Variants in SLC6A3 observed in about 807,000 individuals in gnomAD.
SLC6A3 encodes the protein solute carrier family 6 member 3.
A neutral mutation model predicts 70.4 loss-of-function variants in SLC6A3; 19 were observed. The observed-to-expected ratio is 0.27, with a 90% CI of 0.19 to 0.40. SLC6A3 has a LOEUF of 0.40. Ranked by LOEUF, SLC6A3 falls within the 10% of genes least tolerant of loss-of-function variation. The pLI is 1.00. For missense variants in SLC6A3, 613 were observed against 838.5 expected (o/e 0.73, Z 3.32); for synonymous variants, 368 against 356.6 (o/e 1.03, Z -0.36).
At chr5:1,433,778 A>T (rs1756764576) in intron 3 of SLC6A3, among the ~76,000 whole-genome samples, 1 of 149,506 alleles carries the variant, frequency 6.7e-6, no homozygotes, top group Admixed American at 6.6e-5. Flanking sequence ...GCCATCCACA[A>T]CCATCCATCC....
intron 4 of SLC6A3, among the ~76,000 whole-genome samples, chr5:1,427,681 C>G (rs188623917): frequency 1.3e-4 from 20 of 152,250 alleles, no homozygotes; most frequent in Admixed American, 1.0e-3. Flanking sequence ...ACCACACAAA[C>G]AGTAATGATA....
In SLC6A3 at chr5:1,437,736, G is replaced by A. The variant is rs879280529; in HGVS notation, c.418+3623C>T. ...GGGAGCAGCTCGCAGGTCTGCAGGA[G>A]GGGAAGGGCCAGGAACAACCAGGCT... On this transcript the variant is annotated intron_variant, in intron 3 of 14. Transcript: ENST00000270349. The surrounding 1 kb of genome is among the most constrained non-coding windows in gnomAD (Gnocchi z 4.8). Among the ~76,000 whole-genome samples the A allele has an allele frequency of 2.0e-5, 3 of 152,244 alleles. No individual in the cohort carries two copies. The highest frequency in any genetic ancestry group is 2.9e-5 in the Non-Finnish European group (2 of 68,046).
At chr5:1,428,977 T>G (rs908839856) in intron 4 of SLC6A3, among the ~76,000 whole-genome samples, 3 of 152,230 alleles carry the variant, frequency 2.0e-5, no homozygotes, top group African/African-American at 7.2e-5. Flanking sequence ...CCCTTTTGTG[T>G]TTACTGACAA....
In SLC6A3 at chr5:1,402,770, G is replaced by T; in HGVS notation, c.1767+152C>A. On this transcript the variant is annotated intron_variant, in intron 13 of 14. Coordinates refer to ENST00000270349, the MANE Select transcript of SLC6A3 (RefSeq NM_001044.5). The surrounding 1 kb of genome is among the most constrained non-coding windows in gnomAD (Gnocchi z 8.5). ...CGGGCGTGCAGGTGGACACACACAC[G>T]CACACACACACACAGTGTTGTGGTG... is the stretch of plus-strand genomic sequence containing the variant. 2.7e-6 allele frequency: 2 copies of T among 734,774 alleles called. No individual in the cohort carries two copies. The highest frequency in any genetic ancestry group is 4.7e-6 in the Non-Finnish European group (2 of 426,038). 45.5% of individuals were successfully genotyped at this position (734,774 alleles called of 1,614,324 possible).
At position 1,393,252 on chromosome 5, in the gene SLC6A3, G is replaced by A. The variant is rs1255397867; in HGVS notation, c.*1483C>T. Reference sequence around the variant, plus strand: ...CACGTAGGCAGGCCCACCGACTTGAGGCATGAATTCAAACTATGGCATCCA... The same window carrying A: ...CACGTAGGCAGGCCCACCGACTTGAAGCATGAATTCAAACTATGGCATCCA... On this transcript the variant is annotated 3_prime_UTR_variant, in exon 15 of 15. Transcript: ENST00000270349. The A allele has an allele frequency of 1.3e-5, 2 of 152,268 alleles. No individual in the cohort carries two copies. The highest frequency in any genetic ancestry group is 2.9e-5 in the Non-Finnish European group (2 of 68,058). The allele number at this position is 152,268 out of a possible 1,614,324, so 9.4% of individuals were successfully genotyped here. A position where few individuals can be genotyped will look rare whatever the true frequency, so the allele number is the denominator to read the frequency against.
chr5:1,410,884 G>A (rs1384946046), intron 9 of SLC6A3, among the ~76,000 whole-genome samples: 1 of 152,012 alleles, frequency 6.6e-6, no homozygotes, highest in Non-Finnish European at 1.5e-5. Flanking sequence ...GTGTGTATGT[G>A]TGTGCATGCA....
rs920931681 is a variant in SLC6A3 at position 1,443,252 on chromosome 5, A to G, written c.-45-10T>C. ...CTTCTTCCCTCTTGGTCTTCAGCCA[A>G]TATGAAAAATAAACACACAACAGGA... On this transcript the variant is annotated splice_polypyrimidine_tract_variant and intron_variant, in intron 1 of 14. Transcript: ENST00000270349. The G allele has an allele frequency of 2.5e-5, 40 of 1,589,624 alleles. No homozygotes were observed. The African/African-American group carries it at 4.4e-4, about 18-fold the overall frequency.
intron 4 of SLC6A3, among the ~76,000 whole-genome samples, chr5:1,432,113 C>T (rs770225246): frequency 3.9e-5 from 6 of 152,156 alleles, no homozygotes; most frequent in Non-Finnish European, 7.4e-5. Flanking sequence ...ACTCCAGAGG[C>T]GCCACTGCAG....
rs1041348977 is a variant in SLC6A3 at position 1,442,712 on chromosome 5, G to A, written c.286+200C>T. On this transcript the variant is annotated intron_variant, in intron 2 of 14. Coordinates refer to ENST00000270349, the MANE Select transcript of SLC6A3 (RefSeq NM_001044.5). This position sits in a 1 kb window ranked among gnomAD's most constrained non-coding sequence, Gnocchi z 5.0. ...TTCCTAAACTCTGAAATGCAGGCGT[G>A]GGACAAGGCAGCTCCGAGTCCTGCT... is the stretch of plus-strand genomic sequence containing the variant. Among the ~76,000 whole-genome samples the A allele has an allele frequency of 6.6e-6, 1 of 151,956 alleles. No homozygotes were observed. Among genetic ancestry groups the A allele is most frequent in the Non-Finnish European group, 1.5e-5 (1 of 67,990 alleles).
rs1334559818 is a variant in SLC6A3, at chr5:1,437,756, C to T, written c.418+3603G>A. ...CAGGAGGGGAAGGGCCAGGAACAAC[C>T]AGGCTTCCTGGAGAGCTGGCTTCAT... On this transcript the variant is annotated intron_variant, in intron 3 of 14. Transcript: ENST00000270349. The surrounding 1 kb of genome is among the most constrained non-coding windows in gnomAD (Gnocchi z 4.8). Among the ~76,000 whole-genome samples the T allele has an allele frequency of 6.6e-6, 1 of 152,248 alleles. No individual in the cohort carries two copies. Among genetic ancestry groups the T allele is most frequent in the East Asian group, 1.9e-4 (1 of 5,202 alleles).
intron 6 of SLC6A3, chr5:1,416,583 A>G (rs1172205427): frequency 2.7e-6 from 1 of 372,766 alleles, no homozygotes; most frequent in African/African-American, 2.1e-5. Flanking sequence ...TCATCTACAC[A>G]AAACATGACC....
At chr5:1,435,826 G>A (rs1271234665) in intron 3 of SLC6A3, among the ~76,000 whole-genome samples, 1 of 138,682 alleles carries the variant, frequency 7.2e-6, no homozygotes, top group African/African-American at 2.7e-5. Flanking sequence ...GCTTCCCTGG[G>A]CACCTGGGTG....
Position 1,410,841 on chromosome 5 carries a change from C to T in SLC6A3, c.1269+402G>A, listed in dbSNP as rs1028420730. Among the ~76,000 whole-genome samples, 8 of 150,992 alleles carry T rather than the reference C, an allele frequency of 5.3e-5. No homozygotes were observed. In the East Asian group the frequency reaches 5.8e-4, roughly 11 times the overall value. ...GCATGCGTGTGTGCATGTGTGTGTT[C>T]GTGTGTGTTCATGTATGTGTGCGTG... On this transcript the variant is annotated intron_variant, in intron 9 of 14. Transcript: ENST00000270349.
At position 1,406,528 on chromosome 5, in the gene SLC6A3, G is replaced by A. The variant is rs1463653725; in HGVS notation, c.1499-240C>T. Among the ~76,000 whole-genome samples the A allele has an allele frequency of 1.3e-5, 2 of 152,168 alleles. No individual in the cohort carries two copies. The highest frequency in any genetic ancestry group is 4.8e-5 in the African/African-American group (2 of 41,436). The stretch of plus-strand genomic sequence containing the variant: ...ATGCACCAGGAAGAGCCGTGCCCCG[G>A]TGGGTGCTCCCCGCGCCCCGGCAAC... On this transcript the variant is annotated intron_variant, in intron 11 of 14. Transcript: ENST00000270349. The surrounding 1 kb of genome is among the most constrained non-coding windows in gnomAD (Gnocchi z 8.8).
chr5:1,424,927 T>C (rs183351078), intron 4 of SLC6A3, among the ~76,000 whole-genome samples: 43 of 152,336 alleles, frequency 2.8e-4, no homozygotes, highest in Admixed American at 2.5e-3. Context: ...GAACCAGCCA[T>C]GCCAGGAGCA....
rs3822458 is a variant in SLC6A3, at chr5:1,401,266, G to A, written c.1768-280C>T. 1.4e-4 allele frequency: 91 copies of A among 652,284 alleles called. 1 individual carries two copies. In the East Asian group the frequency reaches 2.5e-3, roughly 18 times the overall value. 40.4% of individuals were successfully genotyped at this position (652,284 alleles called of 1,614,324 possible). A position where few individuals can be genotyped will look rare whatever the true frequency, so the allele number is the denominator to read the frequency against. On this transcript the variant is annotated intron_variant, in intron 13 of 14. Coordinates refer to ENST00000270349, the MANE Select transcript of SLC6A3 (RefSeq NM_001044.5). This position sits in a 1 kb window ranked among gnomAD's most constrained non-coding sequence, Gnocchi z 6.1. ...GCAGAACATCAGCATTTGAGCACTC[G>A]CTTGAAAATAAAACGTGGTCCTGGA...
Position 1,414,835 on chromosome 5 carries a change from C to G in SLC6A3, c.1032-20G>C, listed in dbSNP as rs200430075. On this transcript the variant is annotated intron_variant, in intron 7 of 14. Transcript: ENST00000270349. ...GCGTCCCTGTAAGAACAAGACACGC[C>G]GTCTCAGGAACCAGCTGAGCTGCAG... 48 of 1,612,576 alleles carry G rather than the reference C, an allele frequency of 3.0e-5. No homozygotes were observed. The highest frequency in any genetic ancestry group is 3.3e-4 in the Middle Eastern group (2 of 6,078).
In SLC6A3 at chr5:1,409,805, G is replaced by T; in HGVS notation, c.1314C>A (p.Phe438Leu). The T allele has an allele frequency of 6.2e-7, 1 of 1,613,366 alleles. No homozygotes were observed. Among genetic ancestry groups the T allele is most frequent in the Middle Eastern group, 1.6e-4 (1 of 6,062 alleles). The change falls in exon 10 of 15, where the codon TTC (phenylalanine) becomes TTA (leucine). Residue 438 changes from phenylalanine (F) to leucine (L), a missense_variant. Transcript: ENST00000270349. ...GCTCACGGTGTCTGTGCAGCAGCTG[G>T]AACTCATCGATGAGCCCGGTGATCA... ...ESVITGLIDE[F>L]QLLHRHRELF...
chr5:1,442,298 C>A lies in SLC6A3; in HGVS notation c.286+614G>T, dbSNP rs912271467. ...ATCCTGTGAGGCTTCCCCCCAGATT[C>A]TTCCCCAGGCCTCCCTTCCCAGACC... On this transcript the variant is annotated intron_variant, in intron 2 of 14. Transcript: ENST00000270349. The surrounding 1 kb of genome is among the most constrained non-coding windows in gnomAD (Gnocchi z 5.0). Among the ~76,000 whole-genome samples, 9 of 152,188 alleles carry A rather than the reference C, an allele frequency of 5.9e-5. No individual in the cohort carries two copies. The highest frequency in any genetic ancestry group is 2.2e-4 in the African/African-American group (9 of 41,454).
Sources: allele counts gnomAD v4.1 joint callset (sites outside exome capture counted in the v4.1 genomes callset), GRCh38; gene constraint gnomAD v4.1.1; non-coding constraint Gnocchi (gnomAD v3.1); transcripts MANE v1.5; gene names NCBI Gene and HGNC (gene_info 2026-07-23, HGNC 2026-07-21).